The following ERC2 variants were observed in gnomAD, a reference collection of about 807,000 sequenced individuals.
The protein encoded by ERC2 is ELKS/RAB6-interacting/CAST family member 2.
ERC2 carries 42 observed loss-of-function variants against 114.8 expected under a neutral mutation model. The observed-to-expected ratio is 0.37, with a 90% CI of 0.29 to 0.47. The LOEUF is 0.47. ERC2 is among the 20% of genes least tolerant of loss of function. The probability of loss-of-function intolerance (pLI) is 0.99; values close to 1 mark genes in which losing one functional copy is unlikely to be tolerated. For missense variants in ERC2, 939 were observed against 1,150.7 expected (o/e 0.82, Z 2.66); for synonymous variants, 454 against 425.5 (o/e 1.07, Z -0.82).
At chr3:55,706,129 C>A (rs901228393) in intron 15 of ERC2, among the ~76,000 whole-genome samples, 2 of 152,122 alleles carry the variant, frequency 1.3e-5, no homozygotes, top group East Asian at 1.9e-4. Context: ...GGAGATGGTA[C>A]ATAAATAGCC....
At chr3:55,656,163 A>G (rs1488644695) in intron 17 of ERC2, among the ~76,000 whole-genome samples, 6 of 151,880 alleles carry the variant, frequency 4.0e-5, no homozygotes, top group African/African-American at 1.2e-4. Context: ...TTTAGAAGAA[A>G]AAGTCTCACT....
intron 7 of ERC2, among the ~76,000 whole-genome samples, chr3:56,051,079 C>A (rs1167528517): frequency 1.3e-5 from 2 of 152,166 alleles, no homozygotes; most frequent in Non-Finnish European, 2.9e-5. Flanking sequence ...TTCTACCCAA[C>A]AGAAGACACA....
chr3:55,774,531 T>G (rs550253923), intron 14 of ERC2, among the ~76,000 whole-genome samples: 1 of 152,358 alleles, frequency 6.6e-6, no homozygotes, highest in South Asian at 2.1e-4. Context: ...GGTGTTCCAG[T>G]GGTTTCCCAA....
chr3:56,173,072 G>A (rs1295541110), intron 4 of ERC2, among the ~76,000 whole-genome samples: 1 of 152,054 alleles, frequency 6.6e-6, no homozygotes, highest in African/African-American at 2.4e-5. Flanking sequence ...ACTTCCCTTT[G>A]CCAACTCTTA....
rs762601544 is a variant in ERC2 at position 56,447,567 on chromosome 3, T to C, written c.-140-12420A>G. Among the ~76,000 whole-genome samples, 53 of 152,312 alleles carry C rather than the reference T, an allele frequency of 3.5e-4. 1 individual carries two copies. Among genetic ancestry groups the C allele is most frequent in the Admixed American group, 2.6e-4 (4 of 15,294 alleles). On this transcript the variant is annotated intron_variant, in intron 1 of 17. Coordinates refer to ENST00000288221, the MANE Select transcript of ERC2 (RefSeq NM_015576.3). ...AAACTGGGAGCAAGGGTTGTTTATT[T>C]GCAATATATTGTAATATACTAATCT...
At chr3:55,860,039 T>C (rs1434026988) in intron 14 of ERC2, among the ~76,000 whole-genome samples, 1 of 152,194 alleles carries the variant, frequency 6.6e-6, no homozygotes, top group Admixed American at 6.5e-5. Flanking sequence ...ATTAGCCTTT[T>C]ATCCAATTTT....
intron 17 of ERC2, among the ~76,000 whole-genome samples, chr3:55,590,452 A>T (rs184145117): frequency 7.9e-4 from 121 of 152,338 alleles, no homozygotes; most frequent in Admixed American, 2.5e-3. Flanking sequence ...AACATAAATG[A>T]TGTTCACTGC....
At chr3:56,083,053 C>T (rs2077319225) in intron 6 of ERC2, among the ~76,000 whole-genome samples, 1 of 152,140 alleles carries the variant, frequency 6.6e-6, no homozygotes, top group Non-Finnish European at 1.5e-5. Flanking sequence ...AGGTTGGGGA[C>T]TGCTGATATA....
chr3:56,288,701 A>G (rs1427344423), intron 3 of ERC2, among the ~76,000 whole-genome samples: 1 of 152,232 alleles, frequency 6.6e-6, no homozygotes, highest in Non-Finnish European at 1.5e-5. Context: ...TTACAGAGAG[A>G]GCGCTTTTCT....
In ERC2 at chr3:56,010,598, C is replaced by T; in HGVS notation, c.1780-9G>A. 1 of 1,609,290 alleles carries T rather than the reference C, an allele frequency of 6.2e-7. No individual in the cohort carries two copies. On this transcript the variant is annotated splice_polypyrimidine_tract_variant and intron_variant, in intron 8 of 17. Coordinates refer to ENST00000288221, the MANE Select transcript of ERC2 (RefSeq NM_015576.3). ...CGCTCAATTATTCTCTCCTGTAAGG[C>T]AATTAACAAAAAAGAAGAGGTGAGA...
At chr3:55,868,093 G>A (rs753909641) in intron 14 of ERC2, among the ~76,000 whole-genome samples, 4 of 152,160 alleles carry the variant, frequency 2.6e-5, no homozygotes, top group Non-Finnish European at 5.9e-5. Context: ...CTTTCCTGAC[G>A]ATGTGTACGT....
At chr3:55,936,234 T>C (rs956844409) in intron 13 of ERC2, among the ~76,000 whole-genome samples, 7 of 152,160 alleles carry the variant, frequency 4.6e-5, no homozygotes, top group Non-Finnish European at 1.0e-4. Context: ...GAGAAGCCAC[T>C]ACCAATCCTC....
At chr3:55,684,417 T>C (rs1439982396) in intron 16 of ERC2, among the ~76,000 whole-genome samples, 1 of 152,166 alleles carries the variant, frequency 6.6e-6, no homozygotes, top group Non-Finnish European at 1.5e-5. Context: ...GGCTCAAACA[T>C]GCTGCGATCT....
At chr3:55,635,980 A>G (rs1365381245) in intron 17 of ERC2, among the ~76,000 whole-genome samples, 2 of 151,630 alleles carry the variant, frequency 1.3e-5, no homozygotes, top group Non-Finnish European at 2.9e-5. Context: ...GGTTCAAGCT[A>G]TTCTCCTGCC....
rs75670611 is a variant in ERC2, at chr3:55,922,650, G to A, written c.2403+27775C>T. Among the ~76,000 whole-genome samples the A allele has an allele frequency of 1.2e-4, 19 of 152,150 alleles. No individual in the cohort carries two copies. In the East Asian group the frequency reaches 2.7e-3, roughly 22 times the overall value. ...AATTACAATCAAACAGAGATCCTAC[G>A]TAACTGTCCTCAAGACCTTCCAGGT... On this transcript the variant is annotated intron_variant, in intron 13 of 17. Transcript: ENST00000288221.
At chr3:55,557,320 A>G (rs142379684) in intron 17 of ERC2, among the ~76,000 whole-genome samples, 14 of 152,298 alleles carry the variant, frequency 9.2e-5, no homozygotes, top group Admixed American at 8.5e-4. Flanking sequence ...ACAGACAAGC[A>G]CCAGGGGAAA....
chr3:55,667,008 AT>A (rs1279652666), intron 17 of ERC2, among the ~76,000 whole-genome samples: 1 of 152,212 alleles, frequency 6.6e-6, no homozygotes, highest in Non-Finnish European at 1.5e-5. Flanking sequence ...TACATAACAC[AT>A]GTTGTATATT....
intron 7 of ERC2, among the ~76,000 whole-genome samples, chr3:56,029,637 A>T (rs570081400): frequency 2.6e-4 from 40 of 152,086 alleles, no homozygotes; most frequent in Non-Finnish European, 5.0e-4. Context: ...GTATTCTTCT[A>T]TTAGGTTGCT....
chr3:56,125,320 TAA>T (rs1185702286), intron 6 of ERC2, among the ~76,000 whole-genome samples: 1 of 152,146 alleles, frequency 6.6e-6, no homozygotes, highest in East Asian at 1.9e-4. Flanking sequence ...GCAGGCAAAA[TAA>T]AGTTTTCTAA....
Sources: allele counts gnomAD v4.1 joint callset (sites outside exome capture counted in the v4.1 genomes callset), GRCh38; gene constraint gnomAD v4.1.1; transcripts MANE v1.5; gene names NCBI Gene and HGNC (gene_info 2026-07-23, HGNC 2026-07-21).